KDM4A: variants seen among roughly 807,000 people sequenced by gnomAD.
KDM4A encodes lysine demethylase 4A.
In KDM4A, 23 loss-of-function variants were observed where a neutral mutation model predicts 127.1. The observed-to-expected ratio is 0.18, with a 90% CI of 0.13 to 0.26. KDM4A has a LOEUF of 0.26. KDM4A is among the 10% of genes least tolerant of loss of function. The pLI, the probability that KDM4A is intolerant of heterozygous loss-of-function variation, is 1.00. For synonymous variants in KDM4A, 443 were observed against 466.5 expected (o/e 0.95, Z 0.65); for missense variants, 890 against 1,329.1 (o/e 0.67, Z 5.14).
rs997391462 is a variant in KDM4A, at chr1:43,661,719, G to C, written c.430-1175G>C. 4.6e-5 allele frequency among the ~76,000 whole-genome samples: 7 copies of C among 151,558 alleles called. No individual in the cohort carries two copies. In the Admixed American group the frequency reaches 4.6e-4, roughly 10 times the overall value. ...TAGGGATGAATGGCAGGAAGATGCT[G>C]TAAGGATCTGGGATGGAGAGCTACA... On this transcript the variant is annotated intron_variant, in intron 4 of 21. Coordinates refer to ENST00000372396, the MANE Select transcript of KDM4A (RefSeq NM_014663.3).
At chr1:43,659,878 G>T (rs1286876360) in intron 3 of KDM4A, among the ~76,000 whole-genome samples, 1 of 152,182 alleles carries the variant, frequency 6.6e-6, no homozygotes, top group Non-Finnish European at 1.5e-5. Context: ...GCTGGTTCAG[G>T]GAGGTGAATG....
At chr1:43,665,625 G>A in intron 5 of KDM4A, 71 bp from the exon 6 acceptor site, 1 of 1,423,264 alleles carries the variant, frequency 7.0e-7, no homozygotes, top group East Asian at 2.3e-5. Context: ...GGTGTTTTGA[G>A]AGTGGGAATA....
At chr1:43,657,210 A>T in intron 3 of KDM4A, among the ~76,000 whole-genome samples, 1 of 145,158 alleles carries the variant, frequency 6.9e-6, no homozygotes, top group East Asian at 2.0e-4. Context: ...CCTTTTATTT[A>T]TTTTTTTTTT....
Position 43,677,432 on chromosome 1 carries a change from T to G in KDM4A, c.1734+5557T>G, listed in dbSNP as rs373361903. Among the ~76,000 whole-genome samples the G allele has an allele frequency of 4.6e-5, 7 of 152,126 alleles. No homozygotes were observed. In the East Asian group the frequency reaches 1.2e-3, roughly 25 times the overall value. Reference sequence around the variant, plus strand: ...ATACCTAAGAAAACTACAAAAATTCTTTAGCATAATTTACTATCCAGTCCA... The same window carrying G: ...ATACCTAAGAAAACTACAAAAATTCGTTAGCATAATTTACTATCCAGTCCA... On this transcript the variant is annotated intron_variant, in intron 11 of 21. Transcript: ENST00000372396.
At chr1:43,661,161 G>T (rs1660366818) in intron 4 of KDM4A, among the ~76,000 whole-genome samples, 1 of 151,948 alleles carries the variant, frequency 6.6e-6, no homozygotes, top group South Asian at 2.1e-4. Flanking sequence ...TTTTAGTAGA[G>T]ACGGGGTTTC....
intron 10 of KDM4A, 70 bp from the exon 11 acceptor site, chr1:43,671,435 C>T: frequency 6.8e-7 from 1 of 1,471,960 alleles, no homozygotes. Context: ...TGTGCTTTGC[C>T]CTCTGCCTTT....
At position 43,671,595 on chromosome 1, in the gene KDM4A, C is replaced by T. The variant is rs1416819260; in HGVS notation, c.1454C>T (p.Ala485Val). Reference protein sequence around the residue: ...EDEEEEQAAAALDLSVNPASV... With the variant: ...EDEEEEQAAAVLDLSVNPASV... ...GAGGAGGAAGAACAAGCAGCAGCTG[C>T]CTTGGATCTTTCTGTGAATCCTGCG... is the stretch of plus-strand genomic sequence containing the variant. The change falls in exon 11 of 22, where the codon GCC becomes GTC. Residue 485 changes from alanine to valine, a missense_variant. Physicochemically the swap from Ala to Val is moderately conservative, Grantham distance 64 (BLOSUM62 0). Around this residue, in one of 7 missense-constraint regions of KDM4A, gnomAD observed 389 missense variants for 485.9 expected, o/e 0.80. Coordinates refer to ENST00000372396, the MANE Select transcript of KDM4A (RefSeq NM_014663.3). The T allele has an allele frequency of 6.2e-7, 1 of 1,612,292 alleles. No individual in the cohort carries two copies. The highest frequency in any genetic ancestry group is 1.3e-5 in the African/African-American group (1 of 74,822).
chr1:43,698,078 C>A, intron 19 of KDM4A, 65 bp downstream of exon 19: 1 of 1,526,140 alleles, frequency 6.6e-7, no homozygotes, highest in Non-Finnish European at 9.0e-7. Flanking sequence ...GTCTGGCTGG[C>A]AGACTGTGTG....
chr1:43,665,147 G>T (rs1660471282), intron 5 of KDM4A, among the ~76,000 whole-genome samples: 1 of 152,112 alleles, frequency 6.6e-6, no homozygotes, highest in Non-Finnish European at 1.5e-5. Context: ...ACCCTACTGG[G>T]TAGAGAGGTA....
Position 43,686,151 on chromosome 1 carries a change from GTT to G in KDM4A, c.1855+2367_1855+2368del, listed in dbSNP as rs35512755. ...CTCCCCCTACTTTTTTTTGTTTCTT[GTT>G]TTTTTTTTTTTTTTTTTTTGAGAAG... is the stretch of plus-strand genomic sequence containing the variant. On this transcript the variant is annotated intron_variant, in intron 12 of 21. Coordinates refer to ENST00000372396, the MANE Select transcript of KDM4A (RefSeq NM_014663.3). 9.9e-3 allele frequency among the ~76,000 whole-genome samples: 971 copies of G among 97,874 alleles called. 1 individual carries two copies. Among genetic ancestry groups the G allele is most frequent in the African/African-American group, 0.037 (919 of 25,002 alleles). The allele number at this position is 97,874 out of a possible 152,430, so 64.2% of individuals were successfully genotyped here.
Position 43,704,597 on chromosome 1 carries a change from G to T in KDM4A, c.*227G>T. 1.9e-6 allele frequency: 1 copy of T among 532,666 alleles called. No homozygotes were observed. The highest frequency in any genetic ancestry group is 1.9e-5 in the African/African-American group (1 of 52,460). The allele number at this position is 532,666 out of a possible 1,614,324, so 33.0% of individuals were successfully genotyped here. ...AGCAGTCGCTGATCTCCCAGCTGAG[G>T]GGCTGAGCACTGGAATGCTGTGGCT... On this transcript the variant is annotated 3_prime_UTR_variant, in exon 22 of 22. Coordinates refer to ENST00000372396, the MANE Select transcript of KDM4A (RefSeq NM_014663.3).
At chr1:43,657,522 T>C (rs1433209921) in intron 3 of KDM4A, among the ~76,000 whole-genome samples, 2 of 152,040 alleles carry the variant, frequency 1.3e-5, no homozygotes, top group Admixed American at 1.3e-4. Context: ...TTAAAACATC[T>C]ACCTTGCTGG....
In KDM4A at chr1:43,704,509, T is replaced by G. The variant is rs545661906; in HGVS notation, c.*139T>G. On this transcript the variant is annotated 3_prime_UTR_variant, in exon 22 of 22. Coordinates refer to ENST00000372396, the MANE Select transcript of KDM4A (RefSeq NM_014663.3). ...GGAATGAAATAACCGACCCATCATC[T>G]TCTCACCCACCCTCATTGCATTCCG... 1.0e-4 allele frequency: 95 copies of G among 927,566 alleles called. No homozygotes were observed. The highest frequency in any genetic ancestry group is 1.5e-4 in the Non-Finnish European group (90 of 614,208). The allele number at this position is 927,566 out of a possible 1,614,324, so 57.5% of individuals were successfully genotyped here.
chr1:43,657,067 T>C (rs1046311440), intron 3 of KDM4A, among the ~76,000 whole-genome samples: 1 of 151,916 alleles, frequency 6.6e-6, no homozygotes, highest in African/African-American at 2.4e-5. Context: ...GCTACCGCGC[T>C]CAGCTAATAT....
chr1:43,673,275 C>G (rs1177406163), intron 11 of KDM4A, among the ~76,000 whole-genome samples: 1 of 152,128 alleles, frequency 6.6e-6, no homozygotes, highest in Non-Finnish European at 1.5e-5. Flanking sequence ...AGAAGGTCCT[C>G]TTTATTCCCT....
intron 4 of KDM4A, among the ~76,000 whole-genome samples, chr1:43,661,928 C>T (rs1660392318): frequency 6.6e-6 from 1 of 152,106 alleles, no homozygotes; most frequent in East Asian, 1.9e-4. Flanking sequence ...AGAGTCTCGC[C>T]CTGCCACCCA....
At position 43,694,273 on chromosome 1, in the gene KDM4A, T is replaced by C. The variant is rs904662150; in HGVS notation, c.2484+171T>C. On this transcript the variant is annotated intron_variant, in intron 17 of 21. Coordinates refer to ENST00000372396, the MANE Select transcript of KDM4A (RefSeq NM_014663.3). This position sits in a 1 kb window ranked among gnomAD's most constrained non-coding sequence, Gnocchi z 5.2. Reference sequence around the variant, plus strand: ...GGCTCACACCTGTAATCCCAGCCCTTTGTGGGGCCGAGGTGGGTGAACCAC... The same window carrying C: ...GGCTCACACCTGTAATCCCAGCCCTCTGTGGGGCCGAGGTGGGTGAACCAC... Among the ~76,000 whole-genome samples, 5 of 152,054 alleles carry C rather than the reference T, an allele frequency of 3.3e-5. No individual in the cohort carries two copies. The highest frequency in any genetic ancestry group is 4.8e-5 in the African/African-American group (2 of 41,398).
At position 43,671,227 on chromosome 1, in the gene KDM4A, C is replaced by G. The variant is rs1660610995; in HGVS notation, c.1364-278C>G. ...AGACTTTGGAGGAAATGGCAGCTGC[C>G]CCTTACTGAGTGTCTGCTGAGTGCC... On this transcript the variant is annotated intron_variant, in intron 10 of 21. Transcript: ENST00000372396. 1.3e-5 allele frequency among the ~76,000 whole-genome samples: 2 copies of G among 152,132 alleles called. 1 individual carries two copies. Among genetic ancestry groups the G allele is most frequent in the Non-Finnish European group, 2.9e-5 (2 of 68,026 alleles).
chr1:43,675,544 G>C lies in KDM4A; in HGVS notation c.1734+3669G>C, dbSNP rs200845904. 9.2e-5 allele frequency among the ~76,000 whole-genome samples: 14 copies of C among 152,282 alleles called. No homozygotes were observed. The East Asian group carries it at 1.9e-3, about 21-fold the overall frequency. Reference sequence around the variant, plus strand: ...TAAATGCTCATGATAACTCATGCCAGGGTCAAAGCACTTGGGGATCTGCAG... The same window carrying C: ...TAAATGCTCATGATAACTCATGCCACGGTCAAAGCACTTGGGGATCTGCAG... On this transcript the variant is annotated intron_variant, in intron 11 of 21. Transcript: ENST00000372396.
Sources: allele counts gnomAD v4.1 joint callset (sites outside exome capture counted in the v4.1 genomes callset), GRCh38; gene constraint gnomAD v4.1.1; regional missense constraint gnomAD v4.1.1; non-coding constraint Gnocchi (gnomAD v3.1); transcripts MANE v1.5; gene names NCBI Gene and HGNC (gene_info 2026-07-23, HGNC 2026-07-21).